The following STEAP1B variants were observed in gnomAD, a reference collection of about 807,000 sequenced individuals.
STEAP1B encodes the protein STEAP family protein MGC87042.
STEAP1B carries 13 observed loss-of-function variants against 27.9 expected under a neutral mutation model. That is an observed-to-expected ratio of 0.47 (90% CI 0.30 to 0.74). The LOEUF is 0.74. Ranked by LOEUF, STEAP1B falls within the 30% of genes least tolerant of loss-of-function variation. The pLI is 0.06. For missense variants in STEAP1B, 250 were observed against 298.7 expected, an observed-to-expected ratio of 0.84 and a Z score of 1.20; for synonymous variants, 86 against 107.1, an observed-to-expected ratio of 0.80 and a Z score of 1.22.
At chr7:22,449,734 G>T (rs1210654208) in intron 4 of STEAP1B, among the ~76,000 whole-genome samples, 3 of 152,176 alleles carry the variant, frequency 2.0e-5, no homozygotes, top group Admixed American at 2.0e-4. Context: ...GTTCTTCATA[G>T]TGGTTGTACT....
chr7:22,492,486 T>G, intron 4 of STEAP1B, 79 bp downstream of exon 4: 1 of 1,442,160 alleles, frequency 6.9e-7, no homozygotes, highest in Non-Finnish European at 9.1e-7. Context: ...TTATTTTTTA[T>G]GGGGTAAAGC....
intron 4 of STEAP1B, among the ~76,000 whole-genome samples, chr7:22,437,534 C>G (rs1785270403): frequency 1.3e-5 from 2 of 152,146 alleles, no homozygotes; most frequent in African/African-American, 4.8e-5. Context: ...TATGTCTTGG[C>G]TATTTTAAGT....
At chr7:22,488,080 A>C (rs918024040) in intron 4 of STEAP1B, among the ~76,000 whole-genome samples, 1 of 152,100 alleles carries the variant, frequency 6.6e-6, no homozygotes, top group Non-Finnish European at 1.5e-5. Flanking sequence ...GTGGCTGCAC[A>C]TACCTCCAAC....
chr7:22,440,999 A>G (rs990497836), intron 4 of STEAP1B, among the ~76,000 whole-genome samples: 1 of 150,454 alleles, frequency 6.6e-6, no homozygotes, highest in South Asian at 2.1e-4. Context: ...TAAATTGTAT[A>G]TTTTAATATT....
chr7:22,471,897 A>G (rs77116052), intron 4 of STEAP1B, among the ~76,000 whole-genome samples: 1 of 149,134 alleles, frequency 6.7e-6, no homozygotes, highest in Admixed American at 6.7e-5. Flanking sequence ...TGTCTCCAAA[A>G]AAAAAAAAAA....
At chr7:22,422,213 C>T (rs1255310851) in intron 4 of STEAP1B, among the ~76,000 whole-genome samples, 1 of 152,136 alleles carries the variant, frequency 6.6e-6, no homozygotes, top group Non-Finnish European at 1.5e-5. Context: ...TGTGCCTGGG[C>T]CTGTGCATGT....
intron 4 of STEAP1B, among the ~76,000 whole-genome samples, chr7:22,471,448 C>T (rs1785882171): frequency 6.6e-6 from 1 of 152,184 alleles, no homozygotes; most frequent in African/African-American, 2.4e-5. Flanking sequence ...CAGCTTATGA[C>T]ATTTCATAGC....
At chr7:22,481,846 T>C (rs1470066851) in intron 4 of STEAP1B, among the ~76,000 whole-genome samples, 3 of 152,184 alleles carry the variant, frequency 2.0e-5, no homozygotes, top group Non-Finnish European at 4.4e-5. Flanking sequence ...AGGACTAAAG[T>C]CAATGAGGTA....
chr7:22,499,051 A>G (rs1391427153), intron 1 of STEAP1B, among the ~76,000 whole-genome samples: 2 of 152,258 alleles, frequency 1.3e-5, no homozygotes, highest in African/African-American at 4.8e-5. Flanking sequence ...GTTCTACAGT[A>G]AAATCTTTTC....
chr7:22,452,359 T>C (rs1422189932), intron 4 of STEAP1B, among the ~76,000 whole-genome samples: 1 of 152,086 alleles, frequency 6.6e-6, no homozygotes, highest in Non-Finnish European at 1.5e-5. Context: ...GGAAAGAAAG[T>C]GACCCCTCCC....
At chr7:22,476,609 T>C (rs1006865641) in intron 4 of STEAP1B, among the ~76,000 whole-genome samples, 1 of 152,180 alleles carries the variant, frequency 6.6e-6, no homozygotes, top group African/African-American at 2.4e-5. Context: ...AAGGAATGTA[T>C]CTCCAGGTTG....
rs556056030 is a variant in STEAP1B, at chr7:22,456,028, T to C, written c.763-36192A>G. On this transcript the variant is annotated intron_variant, in intron 4 of 4. Transcript: ENST00000678116. The stretch of plus-strand genomic sequence containing the variant: ...TGGGCCTGGTGGTGAGCGCCTGTAG[T>C]CCCAGCTACTCGTGAGGCTGAGGCA... Among the ~76,000 whole-genome samples, 3 of 152,114 alleles carry C rather than the reference T, an allele frequency of 2.0e-5. No homozygotes were observed. In the South Asian group the frequency reaches 6.2e-4, roughly 32 times the overall value.
Position 22,456,972 on chromosome 7 carries a change from A to ATAT in STEAP1B, c.762+35592_762+35593insATA. On this transcript the variant is annotated intron_variant, in intron 4 of 4. Transcript: ENST00000678116. ...GGCAGCTATATATATATATATATATATTTTTTTTTTTTTTAAGTATCCTGG... is the reference window on the plus strand; with the variant it reads ...GGCAGCTATATATATATATATATATATATTTTTTTTTTTTTTTAAGTATCCTGG... Among the ~76,000 whole-genome samples, 16 of 57,078 alleles carry ATAT rather than the reference A, an allele frequency of 2.8e-4. 1 individual carries two copies. The highest frequency in any genetic ancestry group is 2.5e-3 in the East Asian group (2 of 794). The allele number at this position is 57,078 out of a possible 152,430, so 37.4% of individuals were successfully genotyped here.
chr7:22,494,506 C>CTT (rs1786403955), intron 2 of STEAP1B, among the ~76,000 whole-genome samples: 1 of 151,344 alleles, frequency 6.6e-6, no homozygotes, highest in East Asian at 1.9e-4. Flanking sequence ...TGGTCCAAGG[C>CTT]TTTCATGGTA....
intron 4 of STEAP1B, among the ~76,000 whole-genome samples, chr7:22,433,268 A>C (rs935908401): frequency 6.6e-6 from 1 of 151,656 alleles, no homozygotes; most frequent in South Asian, 2.1e-4. Context: ...CCTTCCCCCA[A>C]CTTACTATTT....
rs3064738 is a variant in STEAP1B at position 22,456,972 on chromosome 7, ATTTTTT to A, written c.762+35587_762+35592del. ...GGCAGCTATATATATATATATATAT[ATTTTTT>A]TTTTTTTTAAGTATCCTGGGTGGTT... On this transcript the variant is annotated intron_variant, in intron 4 of 4. Transcript: ENST00000678116. Among the ~76,000 whole-genome samples, 12 of 57,080 alleles carry A rather than the reference ATTTTTT, an allele frequency of 2.1e-4. 3 individuals carry two copies. The highest frequency in any genetic ancestry group is 8.4e-4 in the African/African-American group (12 of 14,280). 37.4% of individuals were successfully genotyped at this position (57,080 alleles called of 152,430 possible). A position where few individuals can be genotyped will look rare whatever the true frequency, so the allele number is the denominator to read the frequency against.
chr7:22,424,130 G>C (rs914349707), intron 4 of STEAP1B, among the ~76,000 whole-genome samples: 1 of 152,090 alleles, frequency 6.6e-6, no homozygotes, highest in Admixed American at 6.6e-5. Flanking sequence ...ACCTTCTATC[G>C]ATCTCTGGTT....
chr7:22,428,855 C>T (rs943895678), intron 4 of STEAP1B, among the ~76,000 whole-genome samples: 1 of 151,794 alleles, frequency 6.6e-6, no homozygotes, highest in Non-Finnish European at 1.5e-5. Flanking sequence ...GAGTTTAATG[C>T]TAGAAAATCT....
intron 4 of STEAP1B, among the ~76,000 whole-genome samples, chr7:22,471,577 A>G (rs56026754): frequency 0.47 from 71,448 of 151,970 alleles, 17,175 homozygotes; most frequent in African/African-American, 0.57. Flanking sequence ...TTTTCAATTA[A>G]CTCACAAGGT....
Sources: allele counts gnomAD v4.1 joint callset (sites outside exome capture counted in the v4.1 genomes callset), GRCh38; gene constraint gnomAD v4.1.1; transcripts MANE v1.5; gene names NCBI Gene and HGNC (gene_info 2026-07-23, HGNC 2026-07-21).